AK5: variants seen among roughly 807,000 people sequenced by gnomAD.
AK5 encodes the protein adenylate kinase 5.
A neutral mutation model predicts 69.5 loss-of-function variants in AK5; 27 were observed. The ratio of observed to expected loss-of-function variants is 0.39; its 90% CI spans 0.29 to 0.54. AK5 has a LOEUF of 0.54. Ranked by LOEUF, AK5 falls within the 20% of genes least tolerant of loss-of-function variation. AK5 has a pLI of 0.71. For missense variants in AK5, 531 were observed against 700.4 expected (o/e 0.76, Z 2.73); for synonymous variants, 260 against 244.4 (o/e 1.06, Z -0.60).
At chr1:77,335,383 GGT>G (rs775813744) in intron 5 of AK5, among the ~76,000 whole-genome samples, 508 of 49,820 alleles carry the variant, frequency 0.01, 1 homozygote, top group Middle Eastern at 0.026. Context: ...CAGTTTTTTG[GGT>G]TTTTTTTTTT....
chr1:77,305,115 G>A (rs997112896), intron 5 of AK5, among the ~76,000 whole-genome samples: 10 of 152,174 alleles, frequency 6.6e-5, no homozygotes, highest in Admixed American at 2.6e-4. Context: ...TCACATGCCC[G>A]TTTGCCATTT....
At chr1:77,436,179 T>G (rs1208779039) in intron 8 of AK5, among the ~76,000 whole-genome samples, 1 of 152,170 alleles carries the variant, frequency 6.6e-6, no homozygotes, top group East Asian at 1.9e-4. Context: ...CTTGTTTCTA[T>G]TTCCTTTCTA....
rs1660316893 is a variant in AK5 at position 77,559,406 on chromosome 1, T to G, written c.*736T>G. ...ATCTGATAAATTGTGTAACCTAGTC[T>G]CTTCTCTACATGGTGATGCATTTCA... On this transcript the variant is annotated 3_prime_UTR_variant, in exon 14 of 14. Coordinates refer to ENST00000354567, the MANE Select transcript of AK5 (RefSeq NM_174858.3). 1 of 152,178 alleles carries G rather than the reference T, an allele frequency of 6.6e-6. No individual in the cohort carries two copies. Among genetic ancestry groups the G allele is most frequent in the African/African-American group, 2.4e-5 (1 of 41,434 alleles). 9.4% of individuals were successfully genotyped at this position (152,178 alleles called of 1,614,324 possible).
At chr1:77,350,058 C>T (rs1026434581) in intron 6 of AK5, among the ~76,000 whole-genome samples, 5 of 152,202 alleles carry the variant, frequency 3.3e-5, no homozygotes, top group African/African-American at 1.2e-4. Flanking sequence ...TTCCCATATC[C>T]AGGGTACCAC....
chr1:77,496,432 G>A (rs1656318767), intron 10 of AK5, among the ~76,000 whole-genome samples: 1 of 152,328 alleles, frequency 6.6e-6, no homozygotes, highest in Non-Finnish European at 1.5e-5. Flanking sequence ...TTCAGATGGA[G>A]CACTCTGCCA....
At chr1:77,423,219 T>TACAAAAAA (rs1650958995) in intron 8 of AK5, among the ~76,000 whole-genome samples, 1 of 88,716 alleles carries the variant, frequency 1.1e-5, no homozygotes, top group Admixed American at 1.3e-4. Context: ...AGACTCCGTC[T>TACAAAAAA]AAAAAAAAAA....
At chr1:77,455,316 G>C (rs535686974) in intron 8 of AK5, among the ~76,000 whole-genome samples, 1 of 152,148 alleles carries the variant, frequency 6.6e-6, no homozygotes, top group African/African-American at 2.4e-5. Flanking sequence ...TGATTAGGTC[G>C]TGAGGGCAGA....
rs539015048 is a variant in AK5 at position 77,473,586 on chromosome 1, T to C, written c.1060-9731T>C. On this transcript the variant is annotated intron_variant, in intron 8 of 13. Coordinates refer to ENST00000354567, the MANE Select transcript of AK5 (RefSeq NM_174858.3). ...TGCACTGATATTACTTCTGCCCTTC[T>C]TCCTTCTGGAGAAATCTACTGATTG... 1.9e-4 allele frequency among the ~76,000 whole-genome samples: 29 copies of C among 152,342 alleles called. 1 individual carries two copies. The South Asian group carries it at 5.8e-3, about 31-fold the overall frequency.
intron 10 of AK5, among the ~76,000 whole-genome samples, chr1:77,496,522 C>T (rs1208655432): frequency 1.3e-5 from 2 of 152,024 alleles, no homozygotes; most frequent in African/African-American, 4.8e-5. Context: ...AAAAAGGAGA[C>T]AGTTGAGGTG....
intron 8 of AK5, among the ~76,000 whole-genome samples, chr1:77,451,682 G>A (rs768457281): frequency 1.3e-5 from 2 of 152,200 alleles, no homozygotes; most frequent in Non-Finnish European, 2.9e-5. Flanking sequence ...TGACAGTAAC[G>A]TCAGTCTCTC....
At chr1:77,306,380 T>C (rs993644571) in intron 5 of AK5, among the ~76,000 whole-genome samples, 2 of 152,208 alleles carry the variant, frequency 1.3e-5, no homozygotes, top group African/African-American at 2.4e-5. Context: ...ATGTATCATG[T>C]TGATTGATTT....
At position 77,453,948 on chromosome 1, in the gene AK5, G is replaced by A. The variant is rs573815898; in HGVS notation, c.1060-29369G>A. On this transcript the variant is annotated intron_variant, in intron 8 of 13. Transcript: ENST00000354567. ...AACTTTCATTCTCAGTCATTGTACG[G>A]GGAGCCCCTTTTTCCTCTTCTCCAG... 1.4e-4 allele frequency among the ~76,000 whole-genome samples: 21 copies of A among 152,108 alleles called. No homozygotes were observed. In the South Asian group the frequency reaches 2.7e-3, roughly 20 times the overall value.
At chr1:77,490,612 T>C (rs2100736041) in intron 10 of AK5, among the ~76,000 whole-genome samples, 1 of 152,292 alleles carries the variant, frequency 6.6e-6, no homozygotes, top group African/African-American at 2.4e-5. Flanking sequence ...GTTGTTCACA[T>C]ACAAGATATA....
chr1:77,436,242 C>A (rs1006740759), intron 8 of AK5, among the ~76,000 whole-genome samples: 1 of 152,050 alleles, frequency 6.6e-6, no homozygotes, highest in South Asian at 2.1e-4. Context: ...ACAAATTTTT[C>A]TTTTTCTCAA....
At chr1:77,425,615 G>A (rs552729733) in intron 8 of AK5, among the ~76,000 whole-genome samples, 4 of 152,056 alleles carry the variant, frequency 2.6e-5, no homozygotes, top group South Asian at 2.1e-4. Flanking sequence ...GAAAAATGAT[G>A]TAGTTCAGAA....
In AK5 at chr1:77,302,400, GT is replaced by G. The variant is rs557639341; in HGVS notation, c.699+4458del. On this transcript the variant is annotated intron_variant, in intron 5 of 13. Coordinates refer to ENST00000354567, the MANE Select transcript of AK5 (RefSeq NM_174858.3). ...AAGCTGCTTTCTTTTTTATCTTCCC[GT>G]TTTTCCTTTTTCTGTTCATTTTTAT... is the stretch of plus-strand genomic sequence containing the variant. Among the ~76,000 whole-genome samples, 799 of 152,024 alleles carry G rather than the reference GT, an allele frequency of 5.3e-3. 7 individuals are homozygous for G. Among genetic ancestry groups the G allele is most frequent in the African/African-American group, 0.018 (760 of 41,454 alleles).
chr1:77,366,443 T>A (rs1470161342), intron 6 of AK5, among the ~76,000 whole-genome samples: 1 of 152,178 alleles, frequency 6.6e-6, no homozygotes, highest in African/African-American at 2.4e-5. Context: ...ATAAGACTAT[T>A]ATATTTATAG....
intron 6 of AK5, among the ~76,000 whole-genome samples, chr1:77,391,434 TATATAC>T (rs1331801687): frequency 0.069 from 8,239 of 119,286 alleles, 426 homozygotes; most frequent in South Asian, 0.15. Flanking sequence ...TATATATACA[TATATAC>T]ATATATGTGT....
intron 5 of AK5, among the ~76,000 whole-genome samples, chr1:77,325,020 T>C (rs187414468): frequency 3.5e-4 from 52 of 149,602 alleles, no homozygotes; most frequent in Admixed American, 1.2e-3. Context: ...TCATCCAGGC[T>C]GGAGTGCAGT....
Sources: allele counts gnomAD v4.1 joint callset (sites outside exome capture counted in the v4.1 genomes callset), GRCh38; gene constraint gnomAD v4.1.1; transcripts MANE v1.5; gene names NCBI Gene and HGNC (gene_info 2026-07-23, HGNC 2026-07-21).